Variants in SYN3 observed in about 807,000 individuals in gnomAD.
The protein encoded by SYN3 is synapsin-3.
Under a neutral mutation model 65.8 loss-of-function variants are expected in SYN3, and 35 were observed. The observed-to-expected ratio is 0.53, with a 90% CI of 0.41 to 0.70. The LOEUF (loss-of-function observed/expected upper bound fraction) is 0.70, where lower values mean the gene tolerates loss of function less well. SYN3 is among the 30% of genes least tolerant of loss of function. SYN3 has a pLI of 0.00. For synonymous variants in SYN3, 270 were observed against 292.9 expected (o/e 0.92, Z 0.80); for missense variants, 680 against 749.0 (o/e 0.91, Z 1.08).
intron 6 of SYN3, among the ~76,000 whole-genome samples, chr22:32,649,288 C>G (rs2060027774): frequency 1.3e-5 from 2 of 152,160 alleles, no homozygotes; most frequent in Non-Finnish European, 2.9e-5. Flanking sequence ...AGGCCTAGAG[C>G]AGCCAATTCC....
intron 4 of SYN3, among the ~76,000 whole-genome samples, chr22:32,929,809 A>G (rs986296487): frequency 6.6e-6 from 1 of 152,070 alleles, no homozygotes; most frequent in East Asian, 1.9e-4. Context: ...CCTTGCCTCC[A>G]CTAAGCTCTC....
At chr22:32,936,813 GT>G (rs2050789076) in intron 3 of SYN3, among the ~76,000 whole-genome samples, 1 of 152,166 alleles carries the variant, frequency 6.6e-6, no homozygotes, top group Non-Finnish European at 1.5e-5. Flanking sequence ...AAAACTAAAA[GT>G]CCCATTTCTC....
rs149066444 is a variant in SYN3 at position 32,959,397 on chromosome 22, C to T, written c.369+21248G>A. Among the ~76,000 whole-genome samples the T allele has an allele frequency of 2.8e-3, 423 of 151,896 alleles. 3 individuals carry two copies. Among genetic ancestry groups the T allele is most frequent in the African/African-American group, 9.9e-3 (410 of 41,426 alleles). On this transcript the variant is annotated intron_variant, in intron 3 of 13. Coordinates refer to ENST00000358763, the MANE Select transcript of SYN3 (RefSeq NM_003490.4). ...TATGTCTTTATCAGCAGTGTGAAAA[C>T]GGACTAATACAGGTGTGGTGGTGCA...
In SYN3 at chr22:32,745,960, A is replaced by G. The variant is rs1289754310; in HGVS notation, c.711+118955T>C. Among the ~76,000 whole-genome samples, 4 of 152,204 alleles carry G rather than the reference A, an allele frequency of 2.6e-5. No homozygotes were observed. In the East Asian group the frequency reaches 7.7e-4, roughly 29 times the overall value. On this transcript the variant is annotated intron_variant, in intron 6 of 13. Transcript: ENST00000358763. ...TAAAAGAAAAGAGGAGAGGACAAGG[A>G]AACAGTTACTCCTAAGTAATGAAAT...
At chr22:32,735,548 T>A (rs557323451) in intron 6 of SYN3, among the ~76,000 whole-genome samples, 25 of 152,078 alleles carry the variant, frequency 1.6e-4, no homozygotes, top group Non-Finnish European at 2.9e-4. Context: ...TGTTTGTTTT[T>A]TCCCCCAGCT....
At chr22:32,538,757 G>A (rs2058205552) in intron 8 of SYN3, among the ~76,000 whole-genome samples, 1 of 152,024 alleles carries the variant, frequency 6.6e-6, no homozygotes, top group Non-Finnish European at 1.5e-5. Context: ...ACGACTTCCT[G>A]ACAGCCCACC....
chr22:32,534,725 C>T (rs978277225), intron 9 of SYN3, among the ~76,000 whole-genome samples: 6 of 152,156 alleles, frequency 3.9e-5, no homozygotes, highest in African/African-American at 7.2e-5. Flanking sequence ...ACACGGGGCA[C>T]GCCTACTCTC....
chr22:32,958,347 T>C (rs189662428), intron 3 of SYN3, among the ~76,000 whole-genome samples: 10 of 152,328 alleles, frequency 6.6e-5, no homozygotes, highest in Admixed American at 6.5e-4. Context: ...CTCACGTCGC[T>C]TTCTGCATCT....
intron 6 of SYN3, among the ~76,000 whole-genome samples, chr22:32,613,054 C>T (rs2059467668): frequency 6.6e-6 from 1 of 152,028 alleles, no homozygotes; most frequent in Non-Finnish European, 1.5e-5. Flanking sequence ...TCTTCTCTCT[C>T]TCCTGCTGCC....
chr22:32,635,396 G>T (rs2146843090), intron 6 of SYN3, among the ~76,000 whole-genome samples: 1 of 152,292 alleles, frequency 6.6e-6, no homozygotes, highest in East Asian at 1.9e-4. Flanking sequence ...TGAACTAGGT[G>T]GATGAGCATT....
chr22:32,531,124 T>C (rs369207421), intron 10 of SYN3, among the ~76,000 whole-genome samples: 109 of 111,170 alleles, frequency 9.8e-4, no homozygotes, highest in African/African-American at 3.7e-3. Flanking sequence ...CTCTTTCCCC[T>C]GGCGACAGAA....
At chr22:32,706,703 A>C (rs905521944) in intron 6 of SYN3, among the ~76,000 whole-genome samples, 1 of 152,244 alleles carries the variant, frequency 6.6e-6, no homozygotes, top group African/African-American at 2.4e-5. Context: ...ACTGACTTTG[A>C]TCTGACTGAT....
intron 6 of SYN3, among the ~76,000 whole-genome samples, chr22:32,705,789 T>C (rs1338563567): frequency 6.6e-6 from 1 of 152,230 alleles, no homozygotes; most frequent in Non-Finnish European, 1.5e-5. Context: ...TTAGCTGTAT[T>C]CCTAGGTATT....
intron 6 of SYN3, among the ~76,000 whole-genome samples, chr22:32,666,850 G>A (rs929007): frequency 0.23 from 34,670 of 152,080 alleles, 6,267 homozygotes; most frequent in East Asian, 0.7. Context: ...TCTAGGTAAC[G>A]TGATGGCCAA....
rs763026146 is a variant in SYN3, at chr22:32,751,145, C to T, written c.711+113770G>A. On this transcript the variant is annotated intron_variant, in intron 6 of 13. Transcript: ENST00000358763. ...TTGAAGCTGAAGGGTAACCCAGTGA[C>T]GCCAGGAGGGACGCTGGTGAGTGTG... Among the ~76,000 whole-genome samples the T allele has an allele frequency of 5.9e-4, 90 of 152,180 alleles. 1 individual carries two copies. Among genetic ancestry groups the T allele is most frequent in the African/African-American group, 1.9e-3 (78 of 41,498 alleles).
chr22:32,728,995 C>T lies in SYN3; in HGVS notation c.712-132259G>A, dbSNP rs565837932. On this transcript the variant is annotated intron_variant, in intron 6 of 13. Coordinates refer to ENST00000358763, the MANE Select transcript of SYN3 (RefSeq NM_003490.4). ...CCACAGAAGGTGCCAGTGAGCTCAA[C>T]GGTGGGCCCAGGATACGTGGGGTGG... is the stretch of plus-strand genomic sequence containing the variant. Among the ~76,000 whole-genome samples the T allele has an allele frequency of 1.2e-4, 19 of 152,330 alleles. No homozygotes were observed. In the South Asian group the frequency reaches 3.3e-3, roughly 27 times the overall value.
At chr22:32,792,317 T>C (rs1035227017) in intron 6 of SYN3, among the ~76,000 whole-genome samples, 3 of 152,204 alleles carry the variant, frequency 2.0e-5, no homozygotes, top group Non-Finnish European at 4.4e-5. Flanking sequence ...TCTAGAATAT[T>C]CCATGGGAAA....
chr22:32,564,840 A>ACACCCAAACAGTGCTCCCGGACTG (rs2058641133), intron 7 of SYN3, among the ~76,000 whole-genome samples: 1 of 90,476 alleles, frequency 1.1e-5, no homozygotes, highest in Non-Finnish European at 2.3e-5. Context: ...CTCCCGGACT[A>ACACCCAAACAGTGCTCCCGGACTG]CACCCAAACA....
chr22:32,547,328 C>A (rs2058350046), intron 7 of SYN3, among the ~76,000 whole-genome samples: 1 of 152,036 alleles, frequency 6.6e-6, no homozygotes. Context: ...CCTCTTGCAC[C>A]TCTTTCCTCC....
Sources: gnomAD v4.1 joint callset for allele counts (sites outside exome capture counted in the v4.1 genomes callset) on GRCh38, gnomAD v4.1.1 for gene constraint, MANE v1.5 for transcripts, NCBI Gene and HGNC (gene_info 2026-07-23, HGNC 2026-07-21) for gene names.